The following CCDC85C variants were observed in gnomAD, a reference collection of about 807,000 sequenced individuals.
The protein encoded by CCDC85C is coiled-coil domain containing 85C.
A neutral mutation model predicts 38.3 loss-of-function variants in CCDC85C; 18 were observed. The observed-to-expected ratio is 0.47, with a 90% CI of 0.33 to 0.70. CCDC85C has a LOEUF of 0.70. Among genes scored for constraint, CCDC85C ranks in the 30% least tolerant of loss-of-function variants. The pLI is 0.03. For synonymous variants in CCDC85C, 264 were observed against 293.8 expected, an observed-to-expected ratio of 0.90 and a Z score of 1.04; for missense variants, 566 against 621.2, an observed-to-expected ratio of 0.91 and a Z score of 0.94.
chr14:99,580,846 T>C (rs1442719918), intron 1 of CCDC85C, among the ~76,000 whole-genome samples: 1 of 152,086 alleles, frequency 6.6e-6, no homozygotes, highest in African/African-American at 2.4e-5. Flanking sequence ...GCCTGGGTGA[T>C]AGAGCAAGAC....
chr14:99,526,500 T>C (rs1343060049), intron 2 of CCDC85C, among the ~76,000 whole-genome samples: 1 of 152,132 alleles, frequency 6.6e-6, no homozygotes, highest in African/African-American at 2.4e-5. Flanking sequence ...TAAGCCATCA[T>C]CCCAGGGGCT....
chr14:99,564,730 C>T (rs1283078810), intron 1 of CCDC85C, among the ~76,000 whole-genome samples: 1 of 152,192 alleles, frequency 6.6e-6, no homozygotes, highest in Non-Finnish European at 1.5e-5. Context: ...CCAGGCCCAT[C>T]TCACAACAGC....
chr14:99,603,588 C>A lies in CCDC85C; in HGVS notation c.372G>T (p.Gln124His). ...GAVWHEVARS[Q>H]QKLRELEARQ... ...GCGCCTCGAGCTCGCGCAGCTTCTG[C>A]TGCGAGCGGGCCACCTCGTGCCACA... is the stretch of plus-strand genomic sequence containing the variant. The change falls in exon 1 of 6, where the codon CAG becomes CAT. Residue 124 changes from glutamine to histidine, a missense_variant. Physicochemically the swap from Gln to His is conservative, Grantham distance 24. Transcript: ENST00000380243. The surrounding 1 kb of genome is among the most constrained non-coding windows in gnomAD (Gnocchi z 7.5). The A allele has an allele frequency of 7.0e-7, 1 of 1,424,544 alleles. No homozygotes were observed. The highest frequency in any genetic ancestry group is 9.1e-7 in the Non-Finnish European group (1 of 1,094,540). 88.2% of individuals were successfully genotyped at this position (1,424,544 alleles called of 1,614,324 possible).
At position 99,535,662 on chromosome 14, in the gene CCDC85C, G is replaced by A. The variant is rs1273809577; in HGVS notation, c.867+353C>T. On this transcript the variant is annotated intron_variant, in intron 2 of 5. Coordinates refer to ENST00000380243, the MANE Select transcript of CCDC85C (RefSeq NM_001144995.2). The surrounding 1 kb of genome is among the most constrained non-coding windows in gnomAD (Gnocchi z 5.5). ...CCAGTGAGTCCAGCACGGCAGAGGC[G>A]GGGAGGCTTCCGTGTGAGTCTGCCC... Among the ~76,000 whole-genome samples the A allele has an allele frequency of 2.0e-5, 3 of 152,028 alleles. No individual in the cohort carries two copies. The highest frequency in any genetic ancestry group is 4.4e-5 in the Non-Finnish European group (3 of 68,008).
chr14:99,591,297 G>A (rs1184682076), intron 1 of CCDC85C, among the ~76,000 whole-genome samples: 1 of 152,246 alleles, frequency 6.6e-6, no homozygotes, highest in African/African-American at 2.4e-5. Context: ...CCCTCTCTGG[G>A]CTTAGGTTTC....
At chr14:99,592,877 C>T (rs1286869181) in intron 1 of CCDC85C, among the ~76,000 whole-genome samples, 1 of 152,168 alleles carries the variant, frequency 6.6e-6, no homozygotes, top group Non-Finnish European at 1.5e-5. Flanking sequence ...AGGGGCTGGG[C>T]AAAGGCGAGG....
At chr14:99,562,905 T>A (rs1447215091) in intron 1 of CCDC85C, among the ~76,000 whole-genome samples, 2 of 152,016 alleles carry the variant, frequency 1.3e-5, no homozygotes, top group African/African-American at 2.4e-5. Flanking sequence ...ATGTGCACAC[T>A]CACACACTCA....
At chr14:99,598,485 A>G (rs116636076) in intron 1 of CCDC85C, among the ~76,000 whole-genome samples, 3,344 of 152,218 alleles carry the variant, frequency 0.022, 110 homozygotes, top group African/African-American at 0.076. Context: ...AAACCAAGAG[A>G]TGGGGAGCCA....
At chr14:99,565,342 G>A (rs1246553178) in intron 1 of CCDC85C, among the ~76,000 whole-genome samples, 9 of 152,236 alleles carry the variant, frequency 5.9e-5, no homozygotes, top group Non-Finnish European at 5.9e-5. Flanking sequence ...AGTGCAGAGG[G>A]ATGCCTGGGT....
In CCDC85C at chr14:99,603,591, C is replaced by T. The variant is rs561903969; in HGVS notation, c.369G>A (p.Ser123=). 423 of 1,423,806 alleles carry T rather than the reference C, an allele frequency of 3.0e-4. 2 individuals are homozygous for T. The African/African-American group carries it at 5.8e-3, about 20-fold the overall frequency. 88.2% of individuals were successfully genotyped at this position (1,423,806 alleles called of 1,614,324 possible). A position where few individuals can be genotyped will look rare whatever the true frequency, so the allele number is the denominator to read the frequency against. ...CCTCGAGCTCGCGCAGCTTCTGCTG[C>T]GAGCGGGCCACCTCGTGCCACACGG... ...AGAVWHEVAR[S]QQKLRELEAR... The change falls in exon 1 of 6, where the codon TCG becomes TCA. Residue 123 remains serine, a synonymous_variant. Coordinates refer to ENST00000380243, the MANE Select transcript of CCDC85C (RefSeq NM_001144995.2). The surrounding 1 kb of genome is among the most constrained non-coding windows in gnomAD (Gnocchi z 7.5).
Position 99,569,141 on chromosome 14 carries a change from C to T in CCDC85C, c.794-33053G>A, listed in dbSNP as rs1234873458. 6.6e-6 allele frequency among the ~76,000 whole-genome samples: 1 copy of T among 152,212 alleles called. No individual in the cohort carries two copies. The highest frequency in any genetic ancestry group is 6.5e-5 in the Admixed American group (1 of 15,292). Reference sequence around the variant, plus strand: ...GCCAAGCCCCGTCCCCAGACCTAGCCACAGCAATATCCATCTTTAACCAAA... The same window carrying T: ...GCCAAGCCCCGTCCCCAGACCTAGCTACAGCAATATCCATCTTTAACCAAA... On this transcript the variant is annotated intron_variant, in intron 1 of 5. Transcript: ENST00000380243. The surrounding 1 kb of genome is among the most constrained non-coding windows in gnomAD (Gnocchi z 4.3).
At chr14:99,555,913 C>T (rs1044956906) in intron 1 of CCDC85C, among the ~76,000 whole-genome samples, 1 of 152,258 alleles carries the variant, frequency 6.6e-6, no homozygotes, top group African/African-American at 2.4e-5. Flanking sequence ...ATCAGACACA[C>T]GTCCCTTGTG....
chr14:99,523,526 G>T (rs937398848), intron 2 of CCDC85C, among the ~76,000 whole-genome samples: 1 of 152,182 alleles, frequency 6.6e-6, no homozygotes, highest in Non-Finnish European at 1.5e-5. Flanking sequence ...CAGCTCCCAC[G>T]GAGCCAAGAC....
chr14:99,507,961 G>T lies in CCDC85C; in HGVS notation c.*7285C>A, dbSNP rs184803928. On this transcript the variant is annotated 3_prime_UTR_variant, in exon 6 of 6. Transcript: ENST00000380243. ...GTGGCACCATTTCAGAAGGTGATGCGCTAGAGAAGGCCAGAGTGACCTGTG... is the reference window on the plus strand; with the variant it reads ...GTGGCACCATTTCAGAAGGTGATGCTCTAGAGAAGGCCAGAGTGACCTGTG... The T allele has an allele frequency of 6.6e-6, 1 of 152,216 alleles. No individual in the cohort carries two copies. Among genetic ancestry groups the T allele is most frequent in the Non-Finnish European group, 1.5e-5 (1 of 68,058 alleles). 9.4% of individuals were successfully genotyped at this position (152,216 alleles called of 1,614,324 possible). A position where few individuals can be genotyped will look rare whatever the true frequency, so the allele number is the denominator to read the frequency against.
Position 99,572,682 on chromosome 14 carries a change from C to T in CCDC85C, c.793+30485G>A, listed in dbSNP as rs1295190416. Reference sequence around the variant, plus strand: ...CCTGGCCCCTCCTTAAGAGGCCTCCCCTGCCACCATCTGTTTTCTGCTCTT... The same window carrying T: ...CCTGGCCCCTCCTTAAGAGGCCTCCTCTGCCACCATCTGTTTTCTGCTCTT... On this transcript the variant is annotated intron_variant, in intron 1 of 5. Transcript: ENST00000380243. The surrounding 1 kb of genome is among the most constrained non-coding windows in gnomAD (Gnocchi z 4.4). 4.4e-6 allele frequency: 2 copies of T among 456,032 alleles called. No homozygotes were observed. The highest frequency in any genetic ancestry group is 1.5e-5 in the South Asian group (1 of 64,552). The allele number at this position is 456,032 out of a possible 1,614,324, so 28.2% of individuals were successfully genotyped here. A position where few individuals can be genotyped will look rare whatever the true frequency, so the allele number is the denominator to read the frequency against.
chr14:99,556,300 C>A (rs1037961078), intron 1 of CCDC85C, among the ~76,000 whole-genome samples: 1 of 152,144 alleles, frequency 6.6e-6, no homozygotes, highest in South Asian at 2.1e-4. Flanking sequence ...TGCCTGTAGT[C>A]CCAGCTACTT....
chr14:99,587,122 A>G (rs2055035690), intron 1 of CCDC85C, among the ~76,000 whole-genome samples: 1 of 152,192 alleles, frequency 6.6e-6, no homozygotes, highest in Non-Finnish European at 1.5e-5. Flanking sequence ...TTCCTCCCAG[A>G]TTCCTCCCTA....
intron 1 of CCDC85C, among the ~76,000 whole-genome samples, chr14:99,539,971 AC>A (rs1282481798): frequency 6.6e-6 from 1 of 152,028 alleles, no homozygotes. Flanking sequence ...ACAAGGTGAA[AC>A]CCCCATCTCT....
rs1352842883 is a variant in CCDC85C, at chr14:99,503,038, C to T, written c.*12208G>A. ...GAGCAGGCTTTCCAGGTGGCGGCAACACCTGAGCACTGTTCCCATTTCTAA... is the reference window on the plus strand; with the variant it reads ...GAGCAGGCTTTCCAGGTGGCGGCAATACCTGAGCACTGTTCCCATTTCTAA... On this transcript the variant is annotated 3_prime_UTR_variant, in exon 6 of 6. Coordinates refer to ENST00000380243, the MANE Select transcript of CCDC85C (RefSeq NM_001144995.2). 3.2e-6 allele frequency: 5 copies of T among 1,574,332 alleles called. No homozygotes were observed. The African/African-American group carries it at 6.7e-5, about 21-fold the overall frequency.
Sources: allele counts gnomAD v4.1 joint callset (sites outside exome capture counted in the v4.1 genomes callset), GRCh38; gene constraint gnomAD v4.1.1; non-coding constraint Gnocchi (gnomAD v3.1); transcripts MANE v1.5; gene names NCBI Gene and HGNC (gene_info 2026-07-23, HGNC 2026-07-21).